EHBP1: variants seen among roughly 807,000 people sequenced by gnomAD.
EHBP1 encodes EH domain-binding protein 1.
A neutral mutation model predicts 144.0 loss-of-function variants in EHBP1; 55 were observed. The ratio of observed to expected loss-of-function variants is 0.38; its 90% CI spans 0.31 to 0.48. The LOEUF (loss-of-function observed/expected upper bound fraction) is 0.48, where lower values mean the gene tolerates loss of function less well. Ranked by LOEUF, EHBP1 falls within the 20% of genes least tolerant of loss-of-function variation. EHBP1 has a pLI of 0.98. For missense variants in EHBP1, 1,200 were observed against 1,364.2 expected (o/e 0.88, Z 1.90); for synonymous variants, 469 against 472.7 (o/e 0.99, Z 0.10).
intron 10 of EHBP1, among the ~76,000 whole-genome samples, chr2:62,908,056 G>A (rs1308374054): frequency 6.6e-6 from 1 of 152,136 alleles, no homozygotes; most frequent in African/African-American, 2.4e-5. Context: ...ATGTTTGGGA[G>A]AATTTAACCA....
chr2:62,693,251 C>G (rs2151749356), intron 1 of EHBP1, among the ~76,000 whole-genome samples: 1 of 152,178 alleles, frequency 6.6e-6, no homozygotes, highest in South Asian at 2.1e-4. Context: ...TTTTCTTAAT[C>G]CATTCATCTG....
At position 62,955,658 on chromosome 2, in the gene EHBP1, G is replaced by T. The variant is rs757260350; in HGVS notation, c.2458G>T (p.Asp820Tyr). Residue 820 changes from aspartate (D) to tyrosine (Y), a missense_variant and splice_region_variant, in exon 14 of 23, where the codon GAT becomes TAT. By Grantham distance (160) the Asp-to-Tyr change is radical. Transcript: ENST00000431489. ...ATPFCNRQLS[D>Y]QQDEERRRQL... The stretch of plus-strand genomic sequence containing the variant: ...CCCATTCTGCAACAGGCAGCTAAGT[G>T]ATGTGAGGAGCATTGGTTAAAAAAG... 6.2e-7 allele frequency: 1 copy of T among 1,607,318 alleles called. No homozygotes were observed. The highest frequency in any genetic ancestry group is 1.1e-5 in the South Asian group (1 of 89,294).
intron 5 of EHBP1, among the ~76,000 whole-genome samples, chr2:62,797,794 AC>A (rs1202438151): frequency 6.6e-6 from 1 of 152,214 alleles, no homozygotes; most frequent in East Asian, 1.9e-4. Flanking sequence ...TGATAAACTT[AC>A]AGCATGTTTA....
chr2:62,869,259 C>G (rs553424639), intron 9 of EHBP1, among the ~76,000 whole-genome samples: 1 of 152,296 alleles, frequency 6.6e-6, no homozygotes, highest in East Asian at 1.9e-4. Context: ...AAAAGTTAAA[C>G]ATACATGTAT....
chr2:62,929,699 G>C (rs1208734638), intron 10 of EHBP1, among the ~76,000 whole-genome samples: 3 of 152,086 alleles, frequency 2.0e-5, no homozygotes, highest in Non-Finnish European at 4.4e-5. Flanking sequence ...ACATAGTATT[G>C]AAAGTCCTAG....
At chr2:62,943,009 C>A (rs2056851435) in intron 11 of EHBP1, 113 bp downstream of exon 11, 3 of 776,572 alleles carry the variant, frequency 3.9e-6, no homozygotes, top group Non-Finnish European at 3.9e-6. Context: ...GTTTTATTAC[C>A]CCACCTCTTG....
At chr2:62,687,963 G>A (rs2033774711) in intron 1 of EHBP1, among the ~76,000 whole-genome samples, 1 of 152,146 alleles carries the variant, frequency 6.6e-6, no homozygotes. Flanking sequence ...ACTATCAGAT[G>A]TGCCTACTTT....
rs768323831 is a variant in EHBP1 at position 62,681,340 on chromosome 2, GTATA to G, written c.-296+7274_-296+7277del. ...TATATATTTGTATGTATGTGTGTGT[GTATA>G]TATATATATATATATAATGTGTATA... On this transcript the variant is annotated intron_variant, in intron 1 of 22. Coordinates refer to the EHBP1 transcript ENST00000405015. Among the ~76,000 whole-genome samples, 126 of 58,554 alleles carry G rather than the reference GTATA, an allele frequency of 2.2e-3. 3 individuals carry two copies. Among genetic ancestry groups the G allele is most frequent in the African/African-American group, 4.3e-3 (50 of 11,614 alleles). 38.4% of individuals were successfully genotyped at this position (58,554 alleles called of 152,430 possible).
intron 1 of EHBP1, among the ~76,000 whole-genome samples, chr2:62,690,417 C>G (rs1014296530): frequency 2.6e-5 from 4 of 151,982 alleles, no homozygotes; most frequent in Non-Finnish European, 4.4e-5. Flanking sequence ...CAAAAATTAG[C>G]TGGGTGTGGT....
chr2:62,895,238 A>G (rs1214416834), intron 10 of EHBP1, among the ~76,000 whole-genome samples: 1 of 152,110 alleles, frequency 6.6e-6, no homozygotes, highest in Non-Finnish European at 1.5e-5. Flanking sequence ...AACTTGCATA[A>G]CTGCACACTG....
upstream of EHBP1, among the ~76,000 whole-genome samples, chr2:62,704,639 C>T (rs569089616): frequency 6.6e-5 from 10 of 152,262 alleles, no homozygotes; most frequent in South Asian, 1.9e-3. Flanking sequence ...TATTCCTTCT[C>T]GGTCTCTTTC....
At chr2:62,923,444 G>A (rs944024561) in intron 10 of EHBP1, among the ~76,000 whole-genome samples, 2 of 152,144 alleles carry the variant, frequency 1.3e-5, no homozygotes, top group Non-Finnish European at 2.9e-5. Context: ...ATAACACTGA[G>A]GTGCCCCACC....
Position 62,993,536 on chromosome 2 carries a change from A to G in EHBP1, c.2740A>G (p.Thr914Ala), listed in dbSNP as rs778945100. 1.9e-6 allele frequency: 3 copies of G among 1,586,754 alleles called. No homozygotes were observed. The African/African-American group carries it at 4.0e-5, about 21-fold the overall frequency. ...ESSEQDMKSGTEDLRTERLQK... is the reference protein window; with the variant it reads ...ESSEQDMKSGAEDLRTERLQK... ...TGTGTTGTTTTACGTTTAGAGTGGC[A>G]CAGAAGATCTCCGGACTGAACGATT... Residue 914 changes from threonine to alanine, a missense_variant, in exon 17 of 23, where the codon ACA becomes GCA. Coordinates refer to ENST00000431489, the MANE Select transcript of EHBP1 (RefSeq NM_001142616.3).
At chr2:62,837,348 A>AT (rs1306031871) in intron 7 of EHBP1, among the ~76,000 whole-genome samples, 1 of 147,264 alleles carries the variant, frequency 6.8e-6, no homozygotes, top group Non-Finnish European at 1.5e-5. Context: ...AGTGCTAAAC[A>AT]TGGAAAGGAA....
chr2:62,774,031 C>A (rs147796527), intron 5 of EHBP1, among the ~76,000 whole-genome samples: 2 of 152,054 alleles, frequency 1.3e-5, no homozygotes, highest in East Asian at 3.9e-4. Flanking sequence ...ATTGAACTTG[C>A]ATAAGCCAAT....
intron 4 of EHBP1, among the ~76,000 whole-genome samples, chr2:62,766,032 A>C (rs2041157302): frequency 6.6e-6 from 1 of 152,158 alleles, no homozygotes; most frequent in African/African-American, 2.4e-5. Flanking sequence ...ACCACCACCA[A>C]AGAAACTTAT....
In EHBP1 at chr2:62,707,241, A is replaced by G; in HGVS notation, c.50A>G (p.Lys17Arg). The change falls in exon 2 of 23, where the codon AAG becomes AGG. Residue 17 changes from lysine (K) to arginine (R), a missense_variant. Coordinates refer to ENST00000431489, the MANE Select transcript of EHBP1 (RefSeq NM_001142616.3). ...CAGCGTGTGGGAAAACATGCATCCA[A>G]GTTCCAGTTTGTGGCCTCCTACCAG... ...RLQRVGKHAS[K>R]FQFVASYQEL... The G allele has an allele frequency of 6.2e-7, 1 of 1,614,226 alleles. No individual in the cohort carries two copies. Among genetic ancestry groups the G allele is most frequent in the Non-Finnish European group, 8.5e-7 (1 of 1,180,022 alleles).
intron 10 of EHBP1, among the ~76,000 whole-genome samples, chr2:62,934,358 T>G (rs539696293): frequency 1.9e-4 from 29 of 152,358 alleles, no homozygotes; most frequent in Non-Finnish European, 4.0e-4. Context: ...TACTGAATAT[T>G]TGAATTTCTT....
intron 6 of EHBP1, among the ~76,000 whole-genome samples, chr2:62,830,498 T>A (rs2046751794): frequency 6.6e-6 from 1 of 152,162 alleles, no homozygotes; most frequent in African/African-American, 2.4e-5. Flanking sequence ...GACTATTTCA[T>A]TTTTTACTTG....
Sources: allele counts gnomAD v4.1 joint callset (sites outside exome capture counted in the v4.1 genomes callset), GRCh38; gene constraint gnomAD v4.1.1; transcripts MANE v1.5; gene names NCBI Gene and HGNC (gene_info 2026-07-23, HGNC 2026-07-21).